USP31: variants seen among roughly 807,000 people sequenced by gnomAD.
USP31 encodes the protein ubiquitin specific peptidase 31, also known as ubiquitin carboxyl-terminal hydrolase 31.
In USP31, 44 loss-of-function variants were observed where a neutral mutation model predicts 119.4. The ratio of observed to expected loss-of-function variants is 0.37; its 90% CI spans 0.29 to 0.47. The LOEUF is 0.47. Among genes scored for constraint, USP31 ranks in the 20% least tolerant of loss-of-function variants. The probability of loss-of-function intolerance (pLI) is 0.99; values close to 1 mark genes in which losing one functional copy is unlikely to be tolerated. For synonymous variants in USP31, 749 were observed against 705.6 expected (o/e 1.06, Z -0.97); for missense variants, 1,643 against 1,730.2 (o/e 0.95, Z 0.89).
intron 1 of USP31, among the ~76,000 whole-genome samples, chr16:23,124,819 G>A (rs1457401446): frequency 6.6e-6 from 1 of 152,106 alleles, no homozygotes; most frequent in African/African-American, 2.4e-5. Context: ...AACCCGGGAG[G>A]TGGAGGTTGC....
At chr16:23,090,066 T>C (rs1350979932) in intron 7 of USP31, among the ~76,000 whole-genome samples, 2 of 151,960 alleles carry the variant, frequency 1.3e-5, no homozygotes, top group African/African-American at 2.4e-5. Context: ...GAACTGAAAA[T>C]ACACATATGA....
At chr16:23,089,074 C>T (rs1901237577) in intron 7 of USP31, among the ~76,000 whole-genome samples, 1 of 152,166 alleles carries the variant, frequency 6.6e-6, no homozygotes, top group Non-Finnish European at 1.5e-5. Flanking sequence ...AAAATAATGA[C>T]TTCACTCTTT....
At position 23,067,867 on chromosome 16, in the gene USP31, C is replaced by A. The variant is rs765723262; in HGVS notation, c.*179G>T. On this transcript the variant is annotated 3_prime_UTR_variant, in exon 16 of 16. Transcript: ENST00000219689. ...TTGGTTCAATGGCAGAATAAGGCGA[C>A]GCTTTGAACAATTTGCAATTGAATT... 1.3e-6 allele frequency: 1 copy of A among 760,252 alleles called. No homozygotes were observed. Among genetic ancestry groups the A allele is most frequent in the Non-Finnish European group, 2.0e-6 (1 of 510,402 alleles). The allele number at this position is 760,252 out of a possible 1,614,324, so 47.1% of individuals were successfully genotyped here. A position where few individuals can be genotyped will look rare whatever the true frequency, so the allele number is the denominator to read the frequency against.
intron 2 of USP31, among the ~76,000 whole-genome samples, chr16:23,107,462 T>C (rs569259408): frequency 5.6e-4 from 85 of 152,282 alleles, no homozygotes; most frequent in African/African-American, 1.9e-3. Context: ...AATTTAAAAT[T>C]TGAAGTACAG....
intron 1 of USP31, among the ~76,000 whole-genome samples, chr16:23,133,491 G>C (rs1903091141): frequency 6.6e-6 from 1 of 152,188 alleles, no homozygotes; most frequent in African/African-American, 2.4e-5. Flanking sequence ...GAATCATTTT[G>C]CCTCTGAGAC....
rs1901886848 is a variant in USP31, at chr16:23,101,969, T to TA, written c.1234+349_1234+350insT. Among the ~76,000 whole-genome samples the TA allele has an allele frequency of 1.1e-4, 13 of 115,200 alleles. No homozygotes were observed. In the South Asian group the frequency reaches 3.6e-3, roughly 31 times the overall value. The allele number at this position is 115,200 out of a possible 152,430, so 75.6% of individuals were successfully genotyped here. ...GAATCTTAAGAGCTGATAGCAAAAT[T>TA]TAAAAAAAAAAAAAAAAAAAAAAAA... On this transcript the variant is annotated intron_variant, in intron 6 of 15. Transcript: ENST00000219689.
intron 7 of USP31, among the ~76,000 whole-genome samples, chr16:23,089,160 C>T (rs572568812): frequency 6.6e-6 from 1 of 152,292 alleles, no homozygotes; most frequent in African/African-American, 2.4e-5. Context: ...CACCAAGCTC[C>T]TCCTAGTCTT....
rs553771970 is a variant in USP31, at chr16:23,139,088, T to TGCCCA, written c.633+9549_633+9550insTGGGC. ...TCCTGTCTGCAAAATACCAACCTGA[T>TGCCCA]TTGTTTCTTAATGGGCATAAATTGA... On this transcript the variant is annotated intron_variant, in intron 1 of 15. Transcript: ENST00000219689. Among the ~76,000 whole-genome samples the TGCCCA allele has an allele frequency of 4.0e-3, 610 of 152,234 alleles. 6 individuals are homozygous for TGCCCA. Among genetic ancestry groups the TGCCCA allele is most frequent in the African/African-American group, 0.013 (554 of 41,540 alleles).
intron 7 of USP31, among the ~76,000 whole-genome samples, chr16:23,090,317 C>T (rs1452682313): frequency 2.6e-5 from 4 of 152,104 alleles, no homozygotes; most frequent in African/African-American, 9.7e-5. Context: ...ACCTGGGAGG[C>T]AGAGGTTGCA....
Position 23,068,035 on chromosome 16 carries a change from T to C in USP31, c.*11A>G, listed in dbSNP as rs377098979. 113 of 1,599,682 alleles carry C rather than the reference T, an allele frequency of 7.1e-5. No individual in the cohort carries two copies. Among genetic ancestry groups the C allele is most frequent in the South Asian group, 2.8e-4 (25 of 89,126 alleles). On this transcript the variant is annotated 3_prime_UTR_variant, in exon 16 of 16. Coordinates refer to ENST00000219689, the MANE Select transcript of USP31 (RefSeq NM_020718.4). The stretch of plus-strand genomic sequence containing the variant: ...CATCTTTACAGATAAAACACTTTGA[T>C]TGCAGAAATATCACTGAGGTTTTTG...
At chr16:23,096,325 G>A (rs1901612829) in intron 6 of USP31, among the ~76,000 whole-genome samples, 1 of 152,100 alleles carries the variant, frequency 6.6e-6, no homozygotes, top group African/African-American at 2.4e-5. Flanking sequence ...CCCAATACAG[G>A]AGCACCCAGA....
chr16:23,147,406 G>A (rs994617276), intron 1 of USP31, among the ~76,000 whole-genome samples: 1 of 149,530 alleles, frequency 6.7e-6, no homozygotes, highest in African/African-American at 2.5e-5. Flanking sequence ...ACTGCGCCCC[G>A]CCCGATTCCA....
intron 7 of USP31, among the ~76,000 whole-genome samples, chr16:23,088,956 C>T (rs553986991): frequency 6.6e-6 from 1 of 152,346 alleles, no homozygotes; most frequent in Non-Finnish European, 1.5e-5. Flanking sequence ...CAACAACTAT[C>T]AAACTGTTCG....
At chr16:23,146,859 C>T (rs982398755) in intron 1 of USP31, among the ~76,000 whole-genome samples, 2 of 151,814 alleles carry the variant, frequency 1.3e-5, no homozygotes, top group East Asian at 1.9e-4. Flanking sequence ...AAACCAGTAC[C>T]TTTTGCCATG....
At chr16:23,099,632 A>C (rs1271739719) in intron 6 of USP31, among the ~76,000 whole-genome samples, 1 of 152,226 alleles carries the variant, frequency 6.6e-6, no homozygotes, top group Non-Finnish European at 1.5e-5. Context: ...GATTTGATAA[A>C]GTGTCAGACA....
Position 23,082,515 on chromosome 16 carries a change from G to A in USP31, c.1873C>T (p.Leu625=), listed in dbSNP as rs753467397. ...DAWRCPHCKQ[L]QQGSITLSLW... ...CTTAACGTAATGCTTCCCTGCTGCA[G>A]CTGCTTACAGTGTGGGCAACGCCAG... The change falls in exon 12 of 16, where the codon CTG becomes TTG. Residue 625 remains leucine, a synonymous_variant. Coordinates refer to ENST00000219689, the MANE Select transcript of USP31 (RefSeq NM_020718.4). 6.2e-7 allele frequency: 1 copy of A among 1,614,228 alleles called. No homozygotes were observed. The highest frequency in any genetic ancestry group is 8.5e-7 in the Non-Finnish European group (1 of 1,180,050).
rs953952599 is a variant in USP31, at chr16:23,087,766, C to T, written c.1485G>A (p.Leu495=). The change falls in exon 8 of 16, where the codon TTG becomes TTA. Residue 495 remains leucine (L), a synonymous_variant. Transcript: ENST00000219689. ...IAWDLLQKEI[L]EKMKYFLRPT... ...GCCTCAAGAAATACTTCATCTTCTC[C>T]AAGATTTCCTTCTGCAGAAGGTCCC... 6.2e-7 allele frequency: 1 copy of T among 1,613,966 alleles called. No homozygotes were observed. Among genetic ancestry groups the T allele is most frequent in the African/African-American group, 1.3e-5 (1 of 74,924 alleles).
intron 1 of USP31, among the ~76,000 whole-genome samples, chr16:23,144,909 T>A (rs967013974): frequency 2.8e-4 from 43 of 152,236 alleles, no homozygotes; most frequent in African/African-American, 1.0e-3. Context: ...GAAAAGAATC[T>A]AATTATATCA....
chr16:23,124,984 G>A (rs1488053849), intron 1 of USP31, among the ~76,000 whole-genome samples: 5 of 152,228 alleles, frequency 3.3e-5, no homozygotes, highest in African/African-American at 1.2e-4. Flanking sequence ...CAGTGAAAGT[G>A]TAGAGGTGGA....
Sources: gnomAD v4.1 joint callset for allele counts (sites outside exome capture counted in the v4.1 genomes callset) on GRCh38, gnomAD v4.1.1 for gene constraint, MANE v1.5 for transcripts, NCBI Gene and HGNC (gene_info 2026-07-23, HGNC 2026-07-21) for gene names.